Variants in DNAH7 observed in about 807,000 individuals in gnomAD.
DNAH7 encodes axonemal beta dynein heavy chain 7.
A neutral mutation model predicts 444.6 loss-of-function variants in DNAH7; 397 were observed. That is an observed-to-expected ratio of 0.89 (90% CI 0.82 to 0.97). DNAH7 has a LOEUF of 0.97. Ranked by LOEUF, DNAH7 falls within the 50% of genes least tolerant of loss-of-function variation. The pLI is 0.00. For synonymous variants in DNAH7, 1,636 were observed against 1,624.4 expected (o/e 1.01, Z -0.17); for missense variants, 4,902 against 4,800.8 (o/e 1.02, Z -0.62).
intron 15 of DNAH7, among the ~76,000 whole-genome samples, chr2:195,972,767 C>G (rs551652073): frequency 6.6e-6 from 1 of 152,316 alleles, no homozygotes; most frequent in Non-Finnish European, 1.5e-5. Context: ...AAGAGTTACT[C>G]TTTCAGAGTA....
At chr2:195,879,947 C>T (rs989636597) in intron 36 of DNAH7, among the ~76,000 whole-genome samples, 4 of 152,110 alleles carry the variant, frequency 2.6e-5, no homozygotes, top group African/African-American at 9.7e-5. Context: ...TTGCTGTCAG[C>T]CAGTGTCTTC....
At chr2:195,749,751 G>C (rs138130476) in intron 63 of DNAH7, among the ~76,000 whole-genome samples, 1 of 149,108 alleles carries the variant, frequency 6.7e-6, no homozygotes, top group Non-Finnish European at 1.5e-5. Context: ...CAAACACCGC[G>C]TATTCTCACT....
At chr2:196,044,201 A>ATGTGTGTGTG (rs150739697) in intron 5 of DNAH7, among the ~76,000 whole-genome samples, 10 of 132,712 alleles carry the variant, frequency 7.5e-5, no homozygotes, top group African/African-American at 3.3e-4. Context: ...ATATATATAT[A>ATGTGTGTGTG]TATGTGTGTG....
chr2:195,946,501 A>G (rs1042018148), intron 19 of DNAH7, among the ~76,000 whole-genome samples: 6 of 152,112 alleles, frequency 3.9e-5, no homozygotes, highest in Non-Finnish European at 8.8e-5. Flanking sequence ...TGTGCTCATT[A>G]CATACCCACA....
At chr2:195,743,476 T>A (rs1026214917) in intron 63 of DNAH7, among the ~76,000 whole-genome samples, 1 of 152,218 alleles carries the variant, frequency 6.6e-6, no homozygotes, top group Non-Finnish European at 1.5e-5. Context: ...TATTTTAATT[T>A]AATCTTAGCT....
chr2:195,905,020 C>G (rs769153254), intron 27 of DNAH7: 1 of 152,158 alleles, frequency 6.6e-6, no homozygotes, highest in Non-Finnish European at 1.5e-5. Context: ...TTGAGAACAG[C>G]TTTTGGCCTC....
intron 15 of DNAH7, among the ~76,000 whole-genome samples, chr2:195,979,696 TA>T (rs1178994423): frequency 3.3e-5 from 5 of 151,394 alleles, no homozygotes; most frequent in Non-Finnish European, 7.4e-5. Flanking sequence ...TATGAAAAGC[TA>T]AACAACATTG....
chr2:195,851,572 C>G (rs1043667239), intron 46 of DNAH7, among the ~76,000 whole-genome samples: 2 of 152,172 alleles, frequency 1.3e-5, no homozygotes, highest in African/African-American at 4.8e-5. Flanking sequence ...GTGTGGTGGT[C>G]TGACTAGCAG....
At chr2:195,885,857 G>A (rs1701677780) in intron 34 of DNAH7, among the ~76,000 whole-genome samples, 1 of 152,182 alleles carries the variant, frequency 6.6e-6, no homozygotes, top group African/African-American at 2.4e-5. Flanking sequence ...TTTTGGGAAT[G>A]GATCATGTCT....
rs1344098075 is a variant in DNAH7 at position 195,875,790 on chromosome 2, T to C, written c.6171A>G (p.Gln2057=). 1 of 1,613,556 alleles carries C rather than the reference T, an allele frequency of 6.2e-7. No homozygotes were observed. Among genetic ancestry groups the C allele is most frequent in the East Asian group, 2.2e-5 (1 of 44,890 alleles). The change falls in exon 38 of 65, where the codon CAA becomes CAG. Residue 2057 remains glutamine, a synonymous_variant. Coordinates refer to ENST00000312428, the MANE Select transcript of DNAH7 (RefSeq NM_018897.3). ...NMPAREVYGA[Q]PPIELLRQWL... Reference sequence around the variant, plus strand: ...ACTGTCTAAGTAACTCAATGGGAGGTTGAGCCCCATATACCTCCCGAGCAG... The same window carrying C: ...ACTGTCTAAGTAACTCAATGGGAGGCTGAGCCCCATATACCTCCCGAGCAG...
At chr2:195,980,947 T>G (rs1176921085) in intron 15 of DNAH7, among the ~76,000 whole-genome samples, 1 of 152,104 alleles carries the variant, frequency 6.6e-6, no homozygotes, top group African/African-American at 2.4e-5. Flanking sequence ...ACAACAAGGA[T>G]GCCAATTTTC....
At position 195,809,815 on chromosome 2, in the gene DNAH7, G is replaced by T; in HGVS notation, c.9818C>A (p.Ser3273Ter). 1 of 1,598,840 alleles carries T rather than the reference G, an allele frequency of 6.3e-7. No homozygotes were observed. Among genetic ancestry groups the T allele is most frequent in the South Asian group, 1.1e-5 (1 of 88,524 alleles). Residue 3273 changes from serine (S) to a stop codon, truncating the protein, a stop_gained, in exon 52 of 65, where the codon TCA becomes TAA. Coordinates refer to ENST00000312428, the MANE Select transcript of DNAH7 (RefSeq NM_018897.3). LOFTEE classifies it high-confidence loss of function. Reference sequence around the variant, plus strand: ...GAGCAGCTTATCCTTTTCAAAGAGTGACCGGCAGACATTAACATACAGTGA... The same window carrying T: ...GAGCAGCTTATCCTTTTCAAAGAGTTACCGGCAGACATTAACATACAGTGA... The part of the protein sequence containing the change: ...TYSLYVNVCR[S>*]LFEKDKLLFS...
chr2:195,750,470 C>G (rs768215226), intron 63 of DNAH7, among the ~76,000 whole-genome samples: 2 of 152,088 alleles, frequency 1.3e-5, no homozygotes, highest in Non-Finnish European at 2.9e-5. Flanking sequence ...ACAAAAAGAA[C>G]TAGAAAAAAA....
intron 58 of DNAH7, among the ~76,000 whole-genome samples, chr2:195,782,333 T>C (rs774389183): frequency 6.6e-6 from 1 of 152,158 alleles, no homozygotes; most frequent in Non-Finnish European, 1.5e-5. Flanking sequence ...TATACATGAC[T>C]CAAGTATAGC....
intron 63 of DNAH7, among the ~76,000 whole-genome samples, chr2:195,748,293 T>C (rs1267405614): frequency 1.3e-5 from 2 of 152,128 alleles, no homozygotes; most frequent in African/African-American, 4.8e-5. Context: ...GTGAAGGACC[T>C]CTTCAAGGAG....
intron 27 of DNAH7, chr2:195,905,508 C>T (rs1686957190): frequency 6.6e-6 from 1 of 152,066 alleles, no homozygotes; most frequent in Admixed American, 6.6e-5. Context: ...AAAAACTGCT[C>T]ATTTAGTCTG....
At chr2:196,008,817 C>A (rs1694543770) in intron 10 of DNAH7, among the ~76,000 whole-genome samples, 1 of 152,134 alleles carries the variant, frequency 6.6e-6, no homozygotes. Flanking sequence ...GAGTTTCTTT[C>A]TAGGGCGTAT....
intron 40 of DNAH7, among the ~76,000 whole-genome samples, chr2:195,868,336 G>A (rs974708840): frequency 1.3e-5 from 2 of 151,480 alleles, no homozygotes; most frequent in South Asian, 2.1e-4. Context: ...CGCCTGCCTC[G>A]GCCTCCCAAA....
At chr2:196,046,831 A>G (rs1431747078) in intron 5 of DNAH7, among the ~76,000 whole-genome samples, 1 of 152,182 alleles carries the variant, frequency 6.6e-6, no homozygotes, top group Non-Finnish European at 1.5e-5. Flanking sequence ...TAACGAAACT[A>G]AAGAGAATAC....
Sources: gnomAD v4.1 joint callset for allele counts (sites outside exome capture counted in the v4.1 genomes callset) on GRCh38, gnomAD v4.1.1 for gene constraint, MANE v1.5 for transcripts, NCBI Gene and HGNC (gene_info 2026-07-23, HGNC 2026-07-21) for gene names.